The following WDR27 variants were observed in gnomAD, a reference collection of about 807,000 sequenced individuals.
WDR27 encodes WD repeat-containing protein 27.
WDR27 carries 100 observed loss-of-function variants against 114.4 expected under a neutral mutation model. The ratio of observed to expected loss-of-function variants is 0.87; its 90% confidence interval spans 0.74 to 1.03. WDR27 has a LOEUF of 1.03. Among genes scored for constraint, WDR27 ranks in the 50% least tolerant of loss-of-function variants. WDR27 has a pLI of 0.00. For missense variants in WDR27, 1,129 were observed against 1,092.9 expected, an observed-to-expected ratio of 1.03 and a Z score of -0.47; for synonymous variants, 449 against 423.1, an observed-to-expected ratio of 1.06 and a Z score of -0.75.
chr6:169,570,167 AT>A (rs1425484484), intron 25 of WDR27, among the ~76,000 whole-genome samples: 1 of 152,172 alleles, frequency 6.6e-6, no homozygotes, highest in Non-Finnish European at 1.5e-5. Flanking sequence ...CACAACACTC[AT>A]GGCCACAAGG....
rs148898653 is a variant in WDR27, at chr6:169,560,459, T to C, written c.2645+11960A>G. On this transcript the variant is annotated intron_variant, in intron 25 of 25. Coordinates refer to ENST00000448612, the MANE Select transcript of WDR27 (RefSeq NM_182552.5). ...AAATAAGAAGTAAGGTGTGTGCACA[T>C]GGCCCAGACAAGAAACTCCAAGTGA... Among the ~76,000 whole-genome samples, 262 of 152,312 alleles carry C rather than the reference T, an allele frequency of 1.7e-3. 3 individuals carry two copies. The highest frequency in any genetic ancestry group is 5.8e-3 in the African/African-American group (243 of 41,576).
chr6:169,490,438 G>A (rs1481720702), intron 25 of WDR27, among the ~76,000 whole-genome samples: 1 of 152,230 alleles, frequency 6.6e-6, no homozygotes, highest in African/African-American at 2.4e-5. Context: ...CCAGGTGTGT[G>A]CGCAGAAGGA....
intron 21 of WDR27, among the ~76,000 whole-genome samples, chr6:169,616,047 C>A (rs973465015): frequency 1.3e-5 from 2 of 149,154 alleles, no homozygotes; most frequent in African/African-American, 2.5e-5. Flanking sequence ...GAAAAAAAAA[C>A]AGATATAAGG....
intron 25 of WDR27, among the ~76,000 whole-genome samples, chr6:169,567,430 T>C (rs2903501): frequency 0.59 from 89,850 of 151,952 alleles, 29,222 homozygotes; most frequent in Non-Finnish European, 0.72. Flanking sequence ...TGTCCTCAAG[T>C]TCTAAGTAGC....
Position 169,581,994 on chromosome 6 carries a change from G to A in WDR27, c.2523+842C>T, listed in dbSNP as rs1803525864. On this transcript the variant is annotated intron_variant, in intron 24 of 25. Coordinates refer to ENST00000448612, the MANE Select transcript of WDR27 (RefSeq NM_182552.5). ...GATATTTATTTTTTATTTTTTTTGAGACAGAGTCTCATTTTGTTGCCCAGG... is the reference window on the plus strand; with the variant it reads ...GATATTTATTTTTTATTTTTTTTGAAACAGAGTCTCATTTTGTTGCCCAGG... Among the ~76,000 whole-genome samples, 3 of 151,982 alleles carry A rather than the reference G, an allele frequency of 2.0e-5. No homozygotes were observed. In the South Asian group the frequency reaches 6.2e-4, roughly 32 times the overall value.
At chr6:169,546,640 T>C (rs1797489493) in intron 25 of WDR27, among the ~76,000 whole-genome samples, 1 of 152,176 alleles carries the variant, frequency 6.6e-6, no homozygotes. Flanking sequence ...AAATCCCTTC[T>C]ATCCCCAGAC....
intron 25 of WDR27, among the ~76,000 whole-genome samples, chr6:169,525,535 CAA>C (rs569369732): frequency 1.8e-3 from 177 of 96,936 alleles, no homozygotes; most frequent in Middle Eastern, 0.011. Context: ...GACTCCATCT[CAA>C]AAAAAAAAAA....
rs373183459 is a variant in WDR27, at chr6:169,651,371, T to C, written c.1481+559A>G. On this transcript the variant is annotated intron_variant, in intron 14 of 25. Coordinates refer to ENST00000448612, the MANE Select transcript of WDR27 (RefSeq NM_182552.5). ...GAGGTGAGGTAGGAGGCGGGGGATA[T>C]GTCTGCATTTTCTTCAGAAAAGTCA... 8.5e-5 allele frequency among the ~76,000 whole-genome samples: 13 copies of C among 152,112 alleles called. No homozygotes were observed. The East Asian group carries it at 1.6e-3, about 18-fold the overall frequency.
At chr6:169,520,680 G>A (rs1021682773) in intron 25 of WDR27, among the ~76,000 whole-genome samples, 1 of 151,838 alleles carries the variant, frequency 6.6e-6, no homozygotes, top group Non-Finnish European at 1.5e-5. Context: ...AAATTTATCA[G>A]AAAAAATTAA....
intron 23 of WDR27, among the ~76,000 whole-genome samples, chr6:169,597,990 C>G (rs556396627): frequency 1.3e-5 from 2 of 151,140 alleles, no homozygotes; most frequent in Non-Finnish European, 2.9e-5. Context: ...ATGGCAAACT[C>G]CTTCAGAGAA....
intron 3 of WDR27, chr6:169,671,583 G>A (rs1346138136): frequency 6.6e-6 from 1 of 152,218 alleles, no homozygotes; most frequent in Non-Finnish European, 1.5e-5. Flanking sequence ...CCTCAGATGA[G>A]ACTCTCCTAA....
chr6:169,696,599 C>T (rs1421239153), intron 1 of WDR27, among the ~76,000 whole-genome samples: 1 of 152,218 alleles, frequency 6.6e-6, no homozygotes, highest in Non-Finnish European at 1.5e-5. Flanking sequence ...GCCTGAAGCA[C>T]AGGACCCCTT....
At chr6:169,620,988 C>T (rs1244180978) in intron 21 of WDR27, among the ~76,000 whole-genome samples, 1 of 152,176 alleles carries the variant, frequency 6.6e-6, no homozygotes. Context: ...GTGTAATACA[C>T]GTGTTCCTAT....
chr6:169,516,440 C>T (rs1454024356), intron 25 of WDR27, among the ~76,000 whole-genome samples: 3 of 152,116 alleles, frequency 2.0e-5, no homozygotes, highest in African/African-American at 7.2e-5. Context: ...TTTCTCTCAC[C>T]TGACTCAGAA....
chr6:169,530,167 T>A (rs1403806467), intron 25 of WDR27, among the ~76,000 whole-genome samples: 1 of 152,198 alleles, frequency 6.6e-6, no homozygotes, highest in Non-Finnish European at 1.5e-5. Flanking sequence ...ACTGGCCAGA[T>A]ACTGGATCAA....
intron 25 of WDR27, among the ~76,000 whole-genome samples, chr6:169,497,293 G>A (rs1351941910): frequency 6.6e-6 from 1 of 152,010 alleles, no homozygotes; most frequent in African/African-American, 2.4e-5. Flanking sequence ...GGCCTGAATG[G>A]AAGACTGAAA....
At chr6:169,562,649 G>C (rs1179326784) in intron 25 of WDR27, among the ~76,000 whole-genome samples, 1 of 152,210 alleles carries the variant, frequency 6.6e-6, no homozygotes, top group Non-Finnish European at 1.5e-5. Context: ...CCCGGGCACA[G>C]GATAGGGGAG....
At chr6:169,448,491 G>T in the WDR27 span, among the ~76,000 whole-genome samples, 81 of 152,072 alleles carry the variant, frequency 5.3e-4, 2 homozygotes, top group East Asian at 0.014. Context: ...AGTATGATGT[G>T]CAAGGCACAC....
intron 22 of WDR27, among the ~76,000 whole-genome samples, chr6:169,603,246 G>A (rs564887413): frequency 1.6e-4 from 24 of 151,066 alleles, no homozygotes; most frequent in East Asian, 9.7e-4. Flanking sequence ...GAAAAATTCT[G>A]TAGATGGTAA....
Sources: gnomAD v4.1 joint callset for allele counts (sites outside exome capture counted in the v4.1 genomes callset) on GRCh38, gnomAD v4.1.1 for gene constraint, MANE v1.5 for transcripts, NCBI Gene and HGNC (gene_info 2026-07-23, HGNC 2026-07-21) for gene names.